The following ROS1 variants were observed in gnomAD, a reference collection of about 807,000 sequenced individuals.
The protein encoded by ROS1 is proto-oncogene tyrosine-protein kinase ROS.
A neutral mutation model predicts 273.5 loss-of-function variants in ROS1; 263 were observed. The observed-to-expected ratio is 0.96, with a 90% confidence interval of 0.87 to 1.06. The LOEUF (loss-of-function observed/expected upper bound fraction) is 1.06, where lower values mean the gene tolerates loss of function less well. ROS1 is among the 50% of genes least tolerant of loss of function. ROS1 has a pLI of 0.00. For missense variants in ROS1, 2,833 were observed against 2,751.1 expected (o/e 1.03, Z -0.67); for synonymous variants, 1,008 against 954.1 (o/e 1.06, Z -1.04).
chr6:117,342,409 T>C lies in ROS1; in HGVS notation c.4642A>G (p.Lys1548Glu), dbSNP rs745987821. 6.2e-7 allele frequency: 1 copy of C among 1,612,244 alleles called. No homozygotes were observed. Among genetic ancestry groups the C allele is most frequent in the Non-Finnish European group, 8.5e-7 (1 of 1,179,166 alleles). ...CAAGCCCATAACTTACCTCCATTTT[T>C]AGTTTTTCCCCAAATCTCTTTTCCT... ...PPGKEIWGKT[K>E]NGVPEAVQLI... The change falls in exon 29 of 44, where the codon AAA (lysine) becomes GAA (glutamate). Residue 1548 changes from lysine (K) to glutamate (E), a missense_variant. Coordinates refer to ENST00000368507, the MANE Select transcript of ROS1 (RefSeq NM_001378902.1).
In ROS1 at chr6:117,425,636, A is replaced by G; in HGVS notation, c.21T>C (p.Leu7=). 1.9e-6 allele frequency: 3 copies of G among 1,611,914 alleles called. No individual in the cohort carries two copies. The highest frequency in any genetic ancestry group is 2.5e-6 in the Non-Finnish European group (3 of 1,179,188). Residue 7 remains leucine, a synonymous_variant, in exon 1 of 44, where the codon CTT becomes CTC. Coordinates refer to ENST00000368507, the MANE Select transcript of ROS1 (RefSeq NM_001378902.1). MKNIYC[L]IPKLVNFATL... is the part of the protein sequence containing the mutation. ...TTGCAAAATTGACAAGCTTCGGAAT[A>G]AGACAGTAAATGTTCTTCATCACTT...
chr6:117,385,685 C>A lies in ROS1; in HGVS notation c.2287G>T (p.Val763Leu), dbSNP rs1010874419. 1.3e-5 allele frequency: 21 copies of A among 1,613,838 alleles called. No individual in the cohort carries two copies. The highest frequency in any genetic ancestry group is 1.7e-5 in the Non-Finnish European group (20 of 1,179,980). ...CAGAATGCCATGCTTTAACTCACCA[C>A]ATATGTCTTTCCAGCCCAGTAGAGA... The part of the protein sequence containing the change: ...HFLYWAGKTY[V>L]IQRQSVLTGH... Residue 763 changes from valine (V) to leucine (L), a missense_variant and splice_region_variant, in exon 16 of 44, where the codon GTG becomes TTG. Physicochemically the swap from Val to Leu is conservative, Grantham distance 32. Coordinates refer to ENST00000368507, the MANE Select transcript of ROS1 (RefSeq NM_001378902.1).
intron 31 of ROS1, among the ~76,000 whole-genome samples, chr6:117,339,205 T>G (rs549351474): frequency 3.2e-4 from 49 of 152,250 alleles, no homozygotes; most frequent in African/African-American, 1.2e-3. Flanking sequence ...TATGAATTTT[T>G]TTAGGGAATT....
chr6:117,424,500 C>T (rs6913494), intron 1 of ROS1, among the ~76,000 whole-genome samples: 18,943 of 151,852 alleles, frequency 0.12, 1,301 homozygotes, highest in African/African-American at 0.16. Context: ...GTTTTCCATT[C>T]AGTAGTTGAA....
chr6:117,335,382 CT>C (rs1454533863), intron 32 of ROS1, among the ~76,000 whole-genome samples: 1 of 152,140 alleles, frequency 6.6e-6, no homozygotes, highest in Non-Finnish European at 1.5e-5. Context: ...TACTTTTACA[CT>C]GTTGGTGGTA....
chr6:117,341,574 T>C lies in ROS1; in HGVS notation c.4710A>G (p.Ile1570Met). The change falls in exon 30 of 44, where the codon ATA becomes ATG. Residue 1570 changes from isoleucine to methionine, a missense_variant. Ile to Met is a conservative substitution (Grantham distance 10). Transcript: ENST00000368507. Reference protein sequence around the residue: ...TTVRSDTSLIISWRESHKPNG... With the variant: ...TTVRSDTSLIMSWRESHKPNG... ...TTGGCTTGTGAGATTCTCTCCAAGA[T>C]ATAATGAGGCTGGTGTCTGACCGCA... The C allele has an allele frequency of 6.2e-7, 1 of 1,613,774 alleles. No individual in the cohort carries two copies. The highest frequency in any genetic ancestry group is 8.5e-7 in the Non-Finnish European group (1 of 1,179,790).
rs1776890399 is a variant in ROS1, at chr6:117,329,404, C to A, written c.5273G>T (p.Gly1758Val). The A allele has an allele frequency of 6.2e-7, 1 of 1,602,336 alleles. No homozygotes were observed. The highest frequency in any genetic ancestry group is 1.1e-5 in the South Asian group (1 of 90,400). The change falls in exon 33 of 44, where the codon GGG becomes GTG. Residue 1758 changes from glycine to valine, a missense_variant. Physicochemically the swap from Gly to Val is moderately radical, Grantham distance 109. Transcript: ENST00000368507. ...NKPGIPKLLE[G>V]SKNSIQWEKA... ...CTCCCACTGTATTGAATTTTTACTC[C>A]CTTCTAGTAATTTGGGAATGCCTGG...
At chr6:117,335,191 A>T (rs1777376820) in intron 32 of ROS1, among the ~76,000 whole-genome samples, 1 of 152,212 alleles carries the variant, frequency 6.6e-6, no homozygotes, top group Non-Finnish European at 1.5e-5. Flanking sequence ...AGATATGAAC[A>T]GACACTTCTC....
chr6:117,401,406 A>G (rs74705571), intron 7 of ROS1, among the ~76,000 whole-genome samples: 3,794 of 152,312 alleles, frequency 0.025, 143 homozygotes, highest in African/African-American at 0.086. Context: ...GCCCTGTGCG[A>G]CCAAGTCTCT....
intron 41 of ROS1, 68 bp from the exon 42 acceptor site, chr6:117,308,996 A>G: frequency 6.6e-7 from 1 of 1,507,120 alleles, no homozygotes; most frequent in Non-Finnish European, 9.1e-7. Context: ...TAGTTTCTCC[A>G]ACAACATTTT....
At chr6:117,385,007 T>C (rs906799067) in intron 16 of ROS1, among the ~76,000 whole-genome samples, 4 of 152,196 alleles carry the variant, frequency 2.6e-5, no homozygotes, top group African/African-American at 9.6e-5. Context: ...CCTAGACTTA[T>C]GTCTTCGCAC....
intron 16 of ROS1, among the ~76,000 whole-genome samples, chr6:117,384,657 CA>C (rs1413813506): frequency 6.6e-6 from 1 of 152,132 alleles, no homozygotes; most frequent in African/African-American, 2.4e-5. Flanking sequence ...TATATCACTC[CA>C]CAGGTGTGCT....
chr6:117,352,108 T>G (rs1044404085), intron 27 of ROS1, among the ~76,000 whole-genome samples: 3 of 152,074 alleles, frequency 2.0e-5, no homozygotes, highest in Non-Finnish European at 4.4e-5. Context: ...TTCAGACGAG[T>G]CTCGCTCAGT....
Position 117,404,426 on chromosome 6 carries a change from T to C in ROS1, c.319A>G (p.Asn107Asp), listed in dbSNP as rs1386947086. 6.2e-7 allele frequency: 1 copy of C among 1,611,562 alleles called. No homozygotes were observed. Residue 107 changes from asparagine to aspartate, a missense_variant and splice_region_variant, in exon 6 of 44, where the codon AAT (asparagine) becomes GAT (aspartate). Transcript: ENST00000368507. ...AAGGGAGCAGTTGGTAGGTCTGCAT[T>C]TTCTGGGGAAAAAACAAGATTTCAC... ...EGAYEEEVLE[N>D]ADLPTAPFAS...
At position 117,389,897 on chromosome 6, in the gene ROS1, A is replaced by T. The variant is rs760422913; in HGVS notation, c.1290-51T>A. On this transcript the variant is annotated intron_variant, in intron 12 of 43. Coordinates refer to ENST00000368507, the MANE Select transcript of ROS1 (RefSeq NM_001378902.1). ...ATGAGATTCAGTCCAAAGGTTGATGAGTAACCTCCTCAGCTAATTGCTTCA... is the reference window on the plus strand; with the variant it reads ...ATGAGATTCAGTCCAAAGGTTGATGTGTAACCTCCTCAGCTAATTGCTTCA... 2.8e-5 allele frequency: 42 copies of T among 1,510,430 alleles called. 1 individual carries two copies. Among genetic ancestry groups the T allele is most frequent in the Middle Eastern group, 1.7e-4 (1 of 5,728 alleles). 93.6% of individuals were successfully genotyped at this position (1,510,430 alleles called of 1,614,324 possible).
In ROS1 at chr6:117,365,143, G is replaced by T; in HGVS notation, c.3020C>A (p.Ala1007Asp). Residue 1007 changes from alanine to aspartate, a missense_variant, in exon 21 of 44, where the codon GCC becomes GAC. Ala to Asp is a moderately radical substitution (Grantham distance 126, BLOSUM62 -2). Transcript: ENST00000368507. Reference protein sequence around the residue: ...VFTVEGLEPYALFNLSVTPYT... With the variant: ...VFTVEGLEPYDLFNLSVTPYT... ...AGGAGTGACAGAAAGATTAAATAAG[G>T]CATAAGGTTCCAGTCCTTCCACAGT... is the stretch of plus-strand genomic sequence containing the variant. 6.2e-7 allele frequency: 1 copy of T among 1,613,118 alleles called. No homozygotes were observed. Among genetic ancestry groups the T allele is most frequent in the Non-Finnish European group, 8.5e-7 (1 of 1,179,174 alleles).
intron 17 of ROS1, among the ~76,000 whole-genome samples, chr6:117,382,300 A>G (rs560448995): frequency 6.6e-6 from 1 of 152,254 alleles, no homozygotes; most frequent in African/African-American, 2.4e-5. Context: ...AATGCAAATC[A>G]GGTCTCTTTA....
intron 3 of ROS1, among the ~76,000 whole-genome samples, chr6:117,415,463 G>C (rs899177309): frequency 1.3e-5 from 2 of 152,138 alleles, no homozygotes; most frequent in Admixed American, 6.5e-5. Flanking sequence ...TTTAACCCCT[G>C]ACCTGAACAA....
chr6:117,300,610 T>C (rs538103364), intron 43 of ROS1, among the ~76,000 whole-genome samples: 2 of 152,222 alleles, frequency 1.3e-5, no homozygotes, highest in African/African-American at 2.4e-5. Flanking sequence ...AGGCCAATGA[T>C]GATAATGTAC....
Sources: gnomAD v4.1 joint callset for allele counts (sites outside exome capture counted in the v4.1 genomes callset) on GRCh38, gnomAD v4.1.1 for gene constraint, MANE v1.5 for transcripts, NCBI Gene and HGNC (gene_info 2026-07-23, HGNC 2026-07-21) for gene names.